CD164: variants seen among roughly 807,000 people sequenced by gnomAD.
CD164 encodes the protein sialomucin core protein 24.
In CD164, 11 loss-of-function variants were observed where a neutral mutation model predicts 24.6. The ratio of observed to expected loss-of-function variants is 0.45; its 90% CI spans 0.28 to 0.74. The LOEUF (loss-of-function observed/expected upper bound fraction) is 0.74. CD164 is among the 30% of genes least tolerant of loss of function. The pLI, the probability that CD164 is intolerant of heterozygous loss-of-function variation, is 0.13. For missense variants in CD164, 295 were observed against 243.7 expected (o/e 1.21, Z -1.40); for synonymous variants, 126 against 100.3 (o/e 1.26, Z -1.53).
At chr6:109,369,059 G>C in intron 5 of CD164, 42 bp from the exon 6 acceptor site, 1 of 1,553,916 alleles carries the variant, frequency 6.4e-7, no homozygotes, top group Non-Finnish European at 8.8e-7. Flanking sequence ...TAAGTTTCAT[G>C]GTCCTCTATT....
At position 109,368,706 on chromosome 6, in the gene CD164, T is replaced by C; in HGVS notation, c.*145A>G. On this transcript the variant is annotated 3_prime_UTR_variant, in exon 6 of 6. Transcript: ENST00000310786. ...TAATTGATTTTTTCTTCACGGATGATGCTCCCAAACATCCTATATGCATCC... is the reference window on the plus strand; with the variant it reads ...TAATTGATTTTTTCTTCACGGATGACGCTCCCAAACATCCTATATGCATCC... The C allele has an allele frequency of 7.2e-7, 1 of 1,393,986 alleles. No homozygotes were observed. The highest frequency in any genetic ancestry group is 9.3e-7 in the Non-Finnish European group (1 of 1,078,142). 86.4% of individuals were successfully genotyped at this position (1,393,986 alleles called of 1,614,324 possible). A position where few individuals can be genotyped will look rare whatever the true frequency, so the allele number is the denominator to read the frequency against.
rs774325478 is a variant in CD164, at chr6:109,367,592, A to G, written c.*1259T>C. 2 of 152,608 alleles carry G rather than the reference A, an allele frequency of 1.3e-5. No individual in the cohort carries two copies. Among genetic ancestry groups the G allele is most frequent in the African/African-American group, 2.4e-5 (1 of 41,472 alleles). The allele number at this position is 152,608 out of a possible 1,614,324, so 9.5% of individuals were successfully genotyped here. A position where few individuals can be genotyped will look rare whatever the true frequency, so the allele number is the denominator to read the frequency against. Reference sequence around the variant, plus strand: ...CATGCTTATTATACTATGGGAAACCAAGAAGGAAGGGAGAGAAAAAGAAAA... The same window carrying G: ...CATGCTTATTATACTATGGGAAACCGAGAAGGAAGGGAGAGAAAAAGAAAA... On this transcript the variant is annotated 3_prime_UTR_variant, in exon 6 of 6. Coordinates refer to ENST00000310786, the MANE Select transcript of CD164 (RefSeq NM_006016.6).
intron 5 of CD164, among the ~76,000 whole-genome samples, chr6:109,369,488 A>G (rs1373698427): frequency 6.6e-6 from 1 of 152,248 alleles, no homozygotes; most frequent in African/African-American, 2.4e-5. Flanking sequence ...AACAAGTAAA[A>G]TAACTGTTTT....
intron 1 of CD164, chr6:109,381,592 G>C (rs1350042745): frequency 3.0e-5 from 21 of 702,372 alleles, no homozygotes; most frequent in Non-Finnish European, 4.9e-5. Flanking sequence ...GAAGTGTGAA[G>C]TTTTCACTAA....
chr6:109,368,727 C>T lies in CD164; in HGVS notation c.*124G>A. ...ATGATGCTCCCAAACATCCTATATGCATCCATGGAAATTTAAAGATCCTGG... is the reference window on the plus strand; with the variant it reads ...ATGATGCTCCCAAACATCCTATATGTATCCATGGAAATTTAAAGATCCTGG... On this transcript the variant is annotated 3_prime_UTR_variant, in exon 6 of 6. Coordinates refer to ENST00000310786, the MANE Select transcript of CD164 (RefSeq NM_006016.6). 7.0e-7 allele frequency: 1 copy of T among 1,435,884 alleles called. No homozygotes were observed. Among genetic ancestry groups the T allele is most frequent in the Non-Finnish European group, 9.1e-7 (1 of 1,098,928 alleles). 88.9% of individuals were successfully genotyped at this position (1,435,884 alleles called of 1,614,324 possible).
Position 109,368,462 on chromosome 6 carries a change from G to C in CD164, c.*389C>G, listed in dbSNP as rs977652703. 3 of 1,385,744 alleles carry C rather than the reference G, an allele frequency of 2.2e-6. No homozygotes were observed. The African/African-American group carries it at 4.5e-5, about 21-fold the overall frequency. 85.8% of individuals were successfully genotyped at this position (1,385,744 alleles called of 1,614,324 possible). A position where few individuals can be genotyped will look rare whatever the true frequency, so the allele number is the denominator to read the frequency against. ...CACCTAATTGATTCTCATTTGGCAC[G>C]TTCTTCTCAATTCTGTTCACTAAAT... On this transcript the variant is annotated 3_prime_UTR_variant, in exon 6 of 6. Transcript: ENST00000310786.
intron 1 of CD164, chr6:109,380,384 C>T (rs1256992733): frequency 6.6e-6 from 1 of 152,104 alleles, no homozygotes; most frequent in African/African-American, 2.4e-5. Context: ...TGAGAAAAAG[C>T]AGCAAAATAA....
At chr6:109,369,116 T>C in intron 5 of CD164, 99 bp from the exon 6 acceptor site, 2 of 1,008,430 alleles carry the variant, frequency 2.0e-6, no homozygotes, top group Non-Finnish European at 2.9e-6. Context: ...TGTGTTAAAT[T>C]CTATAAAGTA....
In CD164 at chr6:109,367,836, A is replaced by T. The variant is rs9480940; in HGVS notation, c.*1015T>A. 0.018 allele frequency: 2,760 copies of T among 153,144 alleles called. 85 individuals carry two copies. Among genetic ancestry groups the T allele is most frequent in the African/African-American group, 0.063 (2,639 of 41,586 alleles). 9.5% of individuals were successfully genotyped at this position (153,144 alleles called of 1,614,324 possible). On this transcript the variant is annotated 3_prime_UTR_variant, in exon 6 of 6. Coordinates refer to ENST00000310786, the MANE Select transcript of CD164 (RefSeq NM_006016.6). ...GTATATCCTTCTTGCCTCACCAAAG[A>T]AGTCACTACTCAAGACAGTCTGGTG...
chr6:109,377,171 C>T (rs553397951), intron 3 of CD164, among the ~76,000 whole-genome samples: 1 of 152,168 alleles, frequency 6.6e-6, no homozygotes, highest in Non-Finnish European at 1.5e-5. Flanking sequence ...CTATATTATG[C>T]ACCCTGTGTG....
intron 3 of CD164, among the ~76,000 whole-genome samples, chr6:109,377,557 G>C (rs1053439914): frequency 6.6e-5 from 10 of 151,054 alleles, no homozygotes; most frequent in Non-Finnish European, 1.3e-4. Flanking sequence ...CCCCAGTATC[G>C]CAACACCAAA....
chr6:109,382,336 G>A lies in CD164; in HGVS notation c.43C>T (p.Leu15=), dbSNP rs369231757. Residue 15 remains leucine, a synonymous_variant, in exon 1 of 6, where the codon CTG becomes TTG. Coordinates refer to ENST00000310786, the MANE Select transcript of CD164 (RefSeq NM_006016.6). ...GCGGACAGCACGCAGAGCACGCCCA[G>A]GCAGGTGGCGGCCCAAAGCAGTGAG... ...SRSLLWAATC[L]GVLCVLSADK... 1.1e-5 allele frequency: 17 copies of A among 1,566,416 alleles called. No individual in the cohort carries two copies. The highest frequency in any genetic ancestry group is 1.3e-5 in the Non-Finnish European group (15 of 1,161,320).
At chr6:109,369,162 A>G in intron 5 of CD164, 145 bp from the exon 6 acceptor site, 1 of 705,966 alleles carries the variant, frequency 1.4e-6, no homozygotes, top group South Asian at 2.0e-5. Context: ...TTTATCCCTA[A>G]TTGAGGAAGA....
At chr6:109,381,295 T>A (rs1011022104) in intron 1 of CD164, among the ~76,000 whole-genome samples, 13 of 152,178 alleles carry the variant, frequency 8.5e-5, no homozygotes, top group Non-Finnish European at 1.3e-4. Flanking sequence ...CGACTGCACA[T>A]AACAAAAGAC....
Position 109,368,642 on chromosome 6 carries a change from T to C in CD164, c.*209A>G, listed in dbSNP as rs1025774968. 16 of 1,369,326 alleles carry C rather than the reference T, an allele frequency of 1.2e-5. No homozygotes were observed. The highest frequency in any genetic ancestry group is 2.7e-4 in the Middle Eastern group (1 of 3,734). The allele number at this position is 1,369,326 out of a possible 1,614,324, so 84.8% of individuals were successfully genotyped here. A position where few individuals can be genotyped will look rare whatever the true frequency, so the allele number is the denominator to read the frequency against. On this transcript the variant is annotated 3_prime_UTR_variant, in exon 6 of 6. Transcript: ENST00000310786. ...TAAAATAAGACAGCCACAGGATTCA[T>C]GCAGAATATTTTAAATATTCCTGTT...
rs747629808 is a variant in CD164 at position 109,369,004 on chromosome 6, G to A, written c.441C>T (p.Asn147=). 3.1e-6 allele frequency: 5 copies of A among 1,611,866 alleles called. No homozygotes were observed. The South Asian group carries it at 5.5e-5, about 18-fold the overall frequency. The change falls in exon 6 of 6, where the codon AAC becomes AAT. Residue 147 remains asparagine, a synonymous_variant. Coordinates refer to ENST00000310786, the MANE Select transcript of CD164 (RefSeq NM_006016.6). ...CAGGTTGTGAGGTTGGAGTCACAGT[G>A]TTATTTGTTGTACCTGTTAGATAAG... The part of the protein sequence containing the change: ...KTVTTSGTTN[N]TVTPTSQPVR...
intron 1 of CD164, chr6:109,381,377 A>C: frequency 1.6e-6 from 1 of 633,228 alleles, no homozygotes. Flanking sequence ...TACTAAACAT[A>C]CGCTATCTGA....
At chr6:109,379,741 T>A (rs1771629394) in intron 1 of CD164, 79 bp from the exon 2 acceptor site, 11 of 1,077,408 alleles carry the variant, frequency 1.0e-5, no homozygotes, top group Non-Finnish European at 1.4e-5. Flanking sequence ...CTTATCTTTT[T>A]GAACAATAAG....
Position 109,368,247 on chromosome 6 carries a change from A to T in CD164, c.*604T>A. 1 of 1,521,446 alleles carries T rather than the reference A, an allele frequency of 6.6e-7. No individual in the cohort carries two copies. The highest frequency in any genetic ancestry group is 8.8e-7 in the Non-Finnish European group (1 of 1,131,138). The allele number at this position is 1,521,446 out of a possible 1,614,324, so 94.2% of individuals were successfully genotyped here. A position where few individuals can be genotyped will look rare whatever the true frequency, so the allele number is the denominator to read the frequency against. On this transcript the variant is annotated 3_prime_UTR_variant, in exon 6 of 6. Transcript: ENST00000310786. ...CATAAGATGCTTTACAAGTATGAAC[A>T]ATAATCTGTTATACACACTAATGGT...
Sources: gnomAD v4.1 joint callset for allele counts (sites outside exome capture counted in the v4.1 genomes callset) on GRCh38, gnomAD v4.1.1 for gene constraint, MANE v1.5 for transcripts, NCBI Gene and HGNC (gene_info 2026-07-23, HGNC 2026-07-21) for gene names.